HERC6: variants seen among roughly 807,000 people sequenced by gnomAD.
HERC6 encodes the protein probable E3 ubiquitin-protein ligase HERC6.
A neutral mutation model predicts 114.5 loss-of-function variants in HERC6; 101 were observed. That is an observed-to-expected ratio of 0.88 (90% CI 0.75 to 1.04). The LOEUF is 1.04. HERC6 is among the 50% of genes least tolerant of loss of function. The probability of loss-of-function intolerance (pLI) is 0.00; values close to 1 mark genes in which losing one functional copy is unlikely to be tolerated. For missense variants in HERC6, 1,133 were observed against 1,230.9 expected, an observed-to-expected ratio of 0.92 and a Z score of 1.19; for synonymous variants, 408 against 436.2, an observed-to-expected ratio of 0.94 and a Z score of 0.81.
chr4:88,414,508 A>T (rs1368930909), intron 12 of HERC6, among the ~76,000 whole-genome samples: 1 of 152,138 alleles, frequency 6.6e-6, no homozygotes, highest in Admixed American at 6.5e-5. Flanking sequence ...AAGTGAAAGT[A>T]AGTTTACTAA....
chr4:88,379,884 TATATATATAATATATAA>T (rs1734105426), intron 1 of HERC6, among the ~76,000 whole-genome samples: 1 of 40,576 alleles, frequency 2.5e-5, no homozygotes, highest in African/African-American at 1.2e-4. Flanking sequence ...AATATATAAA[TATATATATAATATATAA>T]ATATATATAA....
chr4:88,419,587 A>T (rs1038616274), intron 13 of HERC6, among the ~76,000 whole-genome samples: 1 of 152,164 alleles, frequency 6.6e-6, no homozygotes, highest in African/African-American at 2.4e-5. Flanking sequence ...AGATCTTGTT[A>T]AAAAATTCAG....
chr4:88,383,763 C>CAAAAAAAAAAA (rs753643806), intron 2 of HERC6, among the ~76,000 whole-genome samples: 4 of 28,754 alleles, frequency 1.4e-4, no homozygotes, highest in South Asian at 2.0e-3. Context: ...GACTCAGTCT[C>CAAAAAAAAAAA]AAAAAAAAAA....
chr4:88,442,392 GAGGAAGCACTTCA>G lies in HERC6; in HGVS notation c.3004_3016del (p.Glu1002Ter), dbSNP rs1414650704. 1 of 1,613,864 alleles carries G rather than the reference GAGGAAGCACTTCA, an allele frequency of 6.2e-7. No homozygotes were observed. Among genetic ancestry groups the G allele is most frequent in the African/African-American group, 1.3e-5 (1 of 74,908 alleles). On this transcript the variant is annotated frameshift_variant, in exon 23 of 23. Coordinates refer to ENST00000264346, the MANE Select transcript of HERC6 (RefSeq NM_017912.4). LOFTEE classifies it low-confidence loss of function (END_TRUNC). ...TAAGTATTCTACAATGGAAAGAATG[GAGGAAGCACTTCA>G]AGTAGCCATCAACAACAACAGAGGA...
Position 88,431,360 on chromosome 4 carries a change from T to C in HERC6, c.2250+55T>C, listed in dbSNP as rs1197953010. 3.9e-6 allele frequency: 6 copies of C among 1,538,232 alleles called. No homozygotes were observed. The African/African-American group carries it at 4.2e-5, about 11-fold the overall frequency. On this transcript the variant is annotated intron_variant, in intron 17 of 22. Coordinates refer to ENST00000264346, the MANE Select transcript of HERC6 (RefSeq NM_017912.4). The stretch of plus-strand genomic sequence containing the variant: ...AGAACAGAAAAGGCACCCCATATAC[T>C]GCAACATTAACACCATAGATAGTGG...
intron 9 of HERC6, among the ~76,000 whole-genome samples, chr4:88,405,243 A>C (rs1301845015): frequency 6.6e-6 from 1 of 152,316 alleles, no homozygotes; most frequent in Non-Finnish European, 1.5e-5. Flanking sequence ...AAGCTCACAA[A>C]GCCTTTAATA....
intron 5 of HERC6, among the ~76,000 whole-genome samples, chr4:88,394,985 T>C (rs1735152695): frequency 1.3e-5 from 2 of 152,244 alleles, no homozygotes; most frequent in South Asian, 4.1e-4. Context: ...GGCATAGGTA[T>C]GACACAGCTT....
chr4:88,398,503 AACAGC>A (rs1160973943), intron 8 of HERC6: 7 of 222,196 alleles, frequency 3.2e-5, no homozygotes, highest in Non-Finnish European at 6.1e-5. Context: ...AACTTGTGTC[AACAGC>A]AGCTGTTTCC....
At position 88,405,583 on chromosome 4, in the gene HERC6, C is replaced by T. The variant is rs1553914967; in HGVS notation, c.1244C>T (p.Ala415Val). 3.3e-6 allele frequency: 5 copies of T among 1,536,144 alleles called. No homozygotes were observed. The highest frequency in any genetic ancestry group is 4.4e-6 in the Non-Finnish European group (5 of 1,130,908). The change falls in exon 10 of 23, where the codon GCT (alanine) becomes GTT (valine). Residue 415 changes from alanine to valine, a missense_variant. Transcript: ENST00000264346. ...SEIRMIFSSP[A>V]CLTASFLKKR... ...ATTAGAATGATATTTTCATCTCCTGCTTGTCTGACTGCAAGTTTTTTAAAG... is the reference window on the plus strand; with the variant it reads ...ATTAGAATGATATTTTCATCTCCTGTTTGTCTGACTGCAAGTTTTTTAAAG...
At position 88,405,625 on chromosome 4, in the gene HERC6, A is replaced by G. The variant is rs774275470; in HGVS notation, c.1274+12A>G. On this transcript the variant is annotated intron_variant, in intron 10 of 22. Coordinates refer to ENST00000264346, the MANE Select transcript of HERC6 (RefSeq NM_017912.4). ...TTTTTAAAGAAAAGGTAATACTTAC[A>G]TAAGATTTACCTTCATTTAAAACAC... 10 of 1,378,992 alleles carry G rather than the reference A, an allele frequency of 7.3e-6. No homozygotes were observed. Among genetic ancestry groups the G allele is most frequent in the Middle Eastern group, 1.8e-4 (1 of 5,486 alleles). 85.4% of individuals were successfully genotyped at this position (1,378,992 alleles called of 1,614,324 possible). A position where few individuals can be genotyped will look rare whatever the true frequency, so the allele number is the denominator to read the frequency against.
At position 88,431,215 on chromosome 4, in the gene HERC6, C is replaced by T; in HGVS notation, c.2160C>T (p.Phe720=). Residue 720 remains phenylalanine (F), a synonymous_variant, in exon 17 of 23, where the codon TTC becomes TTT. Coordinates refer to ENST00000264346, the MANE Select transcript of HERC6 (RefSeq NM_017912.4). ...AGTCTGGAGGGGTTAGTTCAGAGTT[C>T]TTCCACTGTATGTTTGAAGAGATGA... ...CPESGGVSSE[F]FHCMFEEMTK... 1 of 1,613,364 alleles carries T rather than the reference C, an allele frequency of 6.2e-7. No homozygotes were observed. Among genetic ancestry groups the T allele is most frequent in the Non-Finnish European group, 8.5e-7 (1 of 1,179,548 alleles).
intron 17 of HERC6, among the ~76,000 whole-genome samples, chr4:88,432,535 C>A (rs571214314): frequency 4.5e-4 from 69 of 152,146 alleles, no homozygotes; most frequent in African/African-American, 1.6e-3. Flanking sequence ...GCCTGGCCAG[C>A]CTGGCCAACC....
chr4:88,400,136 A>C, intron 8 of HERC6, among the ~76,000 whole-genome samples: 1 of 152,196 alleles, frequency 6.6e-6, no homozygotes, highest in East Asian at 1.9e-4. Flanking sequence ...GGAGACCTAG[A>C]GACTGGCCAA....
chr4:88,401,490 CA>C (rs934279048), intron 8 of HERC6, among the ~76,000 whole-genome samples: 1,390 of 56,702 alleles, frequency 0.025, 13 homozygotes, highest in African/African-American at 0.071. Flanking sequence ...GACTCCATCT[CA>C]AAAAAAAAAA....
intron 13 of HERC6, among the ~76,000 whole-genome samples, chr4:88,417,867 G>A (rs956287802): frequency 1.3e-5 from 2 of 151,892 alleles, no homozygotes; most frequent in African/African-American, 2.4e-5. Context: ...GATGGCTTGA[G>A]CCCAGGAATT....
intron 13 of HERC6, 99 bp from the exon 14 acceptor site, chr4:88,423,761 C>G (rs780915416): frequency 2.1e-6 from 1 of 467,970 alleles, no homozygotes; most frequent in Middle Eastern, 5.5e-4. Context: ...GAGCTTTCTT[C>G]TTCTTATCTG....
At chr4:88,408,083 G>C (rs978433850) in intron 10 of HERC6, among the ~76,000 whole-genome samples, 1 of 152,230 alleles carries the variant, frequency 6.6e-6, no homozygotes, top group African/African-American at 2.4e-5. Flanking sequence ...AAGTTCCCAT[G>C]ATGAACAATT....
chr4:88,408,615 A>T lies in HERC6; in HGVS notation c.1366A>T (p.Met456Leu). ...AACAAAAAAGGAATGGATTTCTTCC[A>T]TGGTAATAGCCAATACTTACTTTAG... Reference protein sequence around the residue: ...KLTKKEWISSMITTCLEDDLL... With the variant: ...KLTKKEWISSLITTCLEDDLL... The change falls in exon 11 of 23, where the codon ATG (methionine) becomes TTG (leucine). Residue 456 changes from methionine (M) to leucine (L), a missense_variant and splice_region_variant. Physicochemically the swap from Met to Leu is conservative, Grantham distance 15. Transcript: ENST00000264346. 1 of 1,552,032 alleles carries T rather than the reference A, an allele frequency of 6.4e-7. No homozygotes were observed. Among genetic ancestry groups the T allele is most frequent in the Non-Finnish European group, 8.8e-7 (1 of 1,137,236 alleles).
chr4:88,380,204 T>A (rs1166905413), intron 1 of HERC6, among the ~76,000 whole-genome samples: 1 of 4,986 alleles, frequency 2.0e-4, no homozygotes. Flanking sequence ...AATATAAATA[T>A]ATATATAATA....
Sources: gnomAD v4.1 joint callset for allele counts (sites outside exome capture counted in the v4.1 genomes callset) on GRCh38, gnomAD v4.1.1 for gene constraint, MANE v1.5 for transcripts, NCBI Gene and HGNC (gene_info 2026-07-23, HGNC 2026-07-21) for gene names.